ESRRG: variants seen among roughly 807,000 people sequenced by gnomAD.
ESRRG encodes estrogen related receptor gamma.
ESRRG carries 13 observed loss-of-function variants against 44.0 expected under a neutral mutation model. The observed-to-expected ratio is 0.30, with a 90% CI of 0.19 to 0.47. ESRRG has a LOEUF of 0.47. Among genes scored for constraint, ESRRG ranks in the 20% least tolerant of loss-of-function variants. ESRRG has a pLI of 1.00. For missense variants in ESRRG, 395 were observed against 580.6 expected, an observed-to-expected ratio of 0.68 and a Z score of 3.29; for synonymous variants, 215 against 214.6, an observed-to-expected ratio of 1.00 and a Z score of -0.02.
At chr1:217,104,474 T>A (rs2092562320) in intron 1 of ESRRG, among the ~76,000 whole-genome samples, 1 of 152,236 alleles carries the variant, frequency 6.6e-6, no homozygotes, top group Non-Finnish European at 1.5e-5. Flanking sequence ...CTTGGGTAAT[T>A]CAACTATCTG....
At chr1:217,121,269 G>A (rs1480762546) in intron 1 of ESRRG, among the ~76,000 whole-genome samples, 1 of 152,206 alleles carries the variant, frequency 6.6e-6, no homozygotes, top group African/African-American at 2.4e-5. Context: ...GAATAGTAAA[G>A]TGTCAGAAAT....
chr1:216,901,238 T>A (rs1261530786), intron 2 of ESRRG, among the ~76,000 whole-genome samples: 1 of 152,154 alleles, frequency 6.6e-6, no homozygotes, highest in East Asian at 1.9e-4. Flanking sequence ...GGAATTTATG[T>A]GGTCCCCCAA....
At chr1:216,763,830 A>G (rs529936434) in intron 2 of ESRRG, among the ~76,000 whole-genome samples, 8 of 152,160 alleles carry the variant, frequency 5.3e-5, no homozygotes, top group Non-Finnish European at 7.3e-5. Flanking sequence ...TTTGTCATCT[A>G]TAAAATGGAA....
At chr1:216,519,473 T>C in intron 5 of ESRRG, 52 bp from the exon 6 acceptor site, 1 of 1,536,630 alleles carries the variant, frequency 6.5e-7, no homozygotes, top group South Asian at 1.2e-5. Flanking sequence ...AATTTCATAA[T>C]GCAACATTAG....
intron 1 of ESRRG, among the ~76,000 whole-genome samples, chr1:217,133,651 CTTTCTT>C (rs1335129276): frequency 3.3e-5 from 2 of 61,216 alleles, no homozygotes; most frequent in South Asian, 6.3e-4. Flanking sequence ...CTCTCTCTTT[CTTTCTT>C]TCTTTCTTTC....
chr1:216,794,066 C>A (rs971322491), intron 2 of ESRRG, among the ~76,000 whole-genome samples: 1 of 151,266 alleles, frequency 6.6e-6, no homozygotes, highest in African/African-American at 2.4e-5. Context: ...TTAAATGCTC[C>A]TACCATTAAG....
intron 1 of ESRRG, among the ~76,000 whole-genome samples, chr1:217,063,156 G>C (rs915835906): frequency 6.6e-6 from 1 of 152,072 alleles, no homozygotes; most frequent in African/African-American, 2.4e-5. Context: ...CAGCAGACAG[G>C]GAAAAGAGGG....
intron 2 of ESRRG, among the ~76,000 whole-genome samples, chr1:216,777,140 G>C (rs1030964727): frequency 1.3e-5 from 2 of 152,076 alleles, no homozygotes; most frequent in African/African-American, 4.8e-5. Flanking sequence ...AGTCAGCAGT[G>C]ACATATTTTG....
At chr1:216,580,171 G>A (rs978305374) in intron 3 of ESRRG, among the ~76,000 whole-genome samples, 2 of 152,202 alleles carry the variant, frequency 1.3e-5, no homozygotes, top group Admixed American at 6.5e-5. Flanking sequence ...AAAATACTGA[G>A]TAAGTGAATA....
chr1:216,948,124 A>G (rs996611705), intron 1 of ESRRG, among the ~76,000 whole-genome samples: 1 of 152,168 alleles, frequency 6.6e-6, no homozygotes, highest in Non-Finnish European at 1.5e-5. Context: ...TGAACATCAA[A>G]TATTTGGGAG....
At chr1:216,884,781 A>C (rs928032699) in intron 2 of ESRRG, among the ~76,000 whole-genome samples, 9 of 152,214 alleles carry the variant, frequency 5.9e-5, no homozygotes, top group Non-Finnish European at 1.2e-4. Context: ...TGAGGTTTAC[A>C]GCTGCTTTGT....
chr1:216,610,426 A>C (rs1329556653), intron 3 of ESRRG, among the ~76,000 whole-genome samples: 1 of 152,188 alleles, frequency 6.6e-6, no homozygotes, highest in Non-Finnish European at 1.5e-5. Context: ...AAGAATATTT[A>C]AAGGAACATT....
At chr1:216,603,945 C>CAAAAAAAAAAAA (rs144012100) in intron 3 of ESRRG, among the ~76,000 whole-genome samples, 3 of 127,364 alleles carry the variant, frequency 2.4e-5, no homozygotes, top group African/African-American at 2.9e-5. Flanking sequence ...AACAAAAAAA[C>CAAAAAAAAAAAA]AAAAAAAAAA....
At chr1:216,659,477 C>T (rs1039581605) in intron 2 of ESRRG, among the ~76,000 whole-genome samples, 4 of 152,164 alleles carry the variant, frequency 2.6e-5, no homozygotes, top group African/African-American at 7.2e-5. Flanking sequence ...CAGTGCCTAT[C>T]GCTGGGTATG....
At chr1:217,122,116 C>G (rs1006744416) in intron 1 of ESRRG, among the ~76,000 whole-genome samples, 2 of 152,150 alleles carry the variant, frequency 1.3e-5, no homozygotes, top group African/African-American at 4.8e-5. Flanking sequence ...ACCACTTATT[C>G]TGTGAGAAAG....
At chr1:216,769,576 G>A (rs146267213) in intron 2 of ESRRG, among the ~76,000 whole-genome samples, 18 of 152,150 alleles carry the variant, frequency 1.2e-4, no homozygotes, top group East Asian at 3.9e-4. Context: ...ACATGAAGCC[G>A]TCACATGTAA....
chr1:217,117,103 G>A (rs2092740212), intron 1 of ESRRG, among the ~76,000 whole-genome samples: 1 of 152,066 alleles, frequency 6.6e-6, no homozygotes, highest in African/African-American at 2.4e-5. Context: ...AGGTTAAAAA[G>A]ACTAACTTTG....
intron 3 of ESRRG, among the ~76,000 whole-genome samples, chr1:216,590,657 A>T (rs1408283708): frequency 6.6e-6 from 1 of 152,208 alleles, no homozygotes; most frequent in East Asian, 1.9e-4. Context: ...AGGCAATAGA[A>T]TTGCCAAAAA....
At chr1:216,592,725 C>G (rs1158156299) in intron 3 of ESRRG, among the ~76,000 whole-genome samples, 1 of 152,152 alleles carries the variant, frequency 6.6e-6, no homozygotes, top group Non-Finnish European at 1.5e-5. Context: ...TTCTCAAACT[C>G]CTGACCTCAG....
Sources: allele counts gnomAD v4.1 joint callset (sites outside exome capture counted in the v4.1 genomes callset), GRCh38; gene constraint gnomAD v4.1.1; transcripts MANE v1.5; gene names NCBI Gene and HGNC (gene_info 2026-07-23, HGNC 2026-07-21).